Variants in CTCF observed in about 807,000 individuals in gnomAD.
The protein encoded by CTCF is CCCTC-binding factor, also known as transcriptional repressor CTCF.
CTCF carries 7 observed loss-of-function variants against 72.3 expected under a neutral mutation model. That is an observed-to-expected ratio of 0.10 (90% confidence interval 0.06 to 0.18). The LOEUF (loss-of-function observed/expected upper bound fraction) is 0.18, where lower values mean the gene tolerates loss of function less well. CTCF is among the 10% of genes least tolerant of loss of function. The pLI, the probability that CTCF is intolerant of heterozygous loss-of-function variation, is 1.00. For missense variants in CTCF, 516 were observed against 949.1 expected (o/e 0.54, Z 6.00); for synonymous variants, 374 against 315.8 (o/e 1.18, Z -1.95).
rs181093357 is a variant in CTCF at position 67,579,409 on chromosome 16, A to G, written c.-10+8145A>G. Reference sequence around the variant, plus strand: ...CTTGCTGCTCTGTCACCTAGGCTGGAGTGCAGTGCCGTGATCTCGGCTCAC... The same window carrying G: ...CTTGCTGCTCTGTCACCTAGGCTGGGGTGCAGTGCCGTGATCTCGGCTCAC... On this transcript the variant is annotated intron_variant, in intron 2 of 11. Transcript: ENST00000264010. Among the ~76,000 whole-genome samples, 80 of 150,924 alleles carry G rather than the reference A, an allele frequency of 5.3e-4. No homozygotes were observed. In the East Asian group the frequency reaches 0.013, roughly 25 times the overall value.
chr16:67,615,135 C>T (rs1276708305), intron 4 of CTCF: 1 of 152,102 alleles, frequency 6.6e-6, no homozygotes. Flanking sequence ...GAGCAAGAGA[C>T]TCCGTCTCAA....
intron 2 of CTCF, chr16:67,572,473 A>AT (rs2051436230): frequency 6.6e-6 from 1 of 152,232 alleles, no homozygotes; most frequent in Admixed American, 6.6e-5. Context: ...TGGGATATGA[A>AT]TACCCTTAGG....
chr16:67,576,560 T>TC (rs1444287802), intron 2 of CTCF, among the ~76,000 whole-genome samples: 1 of 148,216 alleles, frequency 6.7e-6, no homozygotes, highest in Non-Finnish European at 1.5e-5. Context: ...GTTTTTTTTT[T>TC]TTTTTTTTTT....
chr16:67,619,958 G>T (rs1677600235), intron 5 of CTCF, among the ~76,000 whole-genome samples: 1 of 152,074 alleles, frequency 6.6e-6, no homozygotes, highest in African/African-American at 2.4e-5. Context: ...ACTAAAGGAT[G>T]GATAATGGTG....
chr16:67,602,223 A>AT (rs916590101), intron 2 of CTCF, among the ~76,000 whole-genome samples: 4 of 152,054 alleles, frequency 2.6e-5, no homozygotes, highest in African/African-American at 7.2e-5. Flanking sequence ...ACCAGATAGA[A>AT]TTTTTTTCCG....
At chr16:67,616,114 G>C (rs1218254608) in intron 4 of CTCF, 2 of 152,278 alleles carry the variant, frequency 1.3e-5, no homozygotes, top group African/African-American at 4.8e-5. Context: ...TTGACATTCA[G>C]AATGATCACA....
At position 67,587,531 on chromosome 16, in the gene CTCF, T is replaced by C. The variant is rs1372981020; in HGVS notation, c.-10+16267T>C. Among the ~76,000 whole-genome samples, 5 of 132,582 alleles carry C rather than the reference T, an allele frequency of 3.8e-5. No homozygotes were observed. The South Asian group carries it at 1.1e-3, about 30-fold the overall frequency. 87.0% of individuals were successfully genotyped at this position (132,582 alleles called of 152,430 possible). A position where few individuals can be genotyped will look rare whatever the true frequency, so the allele number is the denominator to read the frequency against. Reference sequence around the variant, plus strand: ...ATCATGTGTGCCCATTTCTGCAGGGTTTTTTTTTTTTCTTTTTCCCTTCTT... The same window carrying C: ...ATCATGTGTGCCCATTTCTGCAGGGCTTTTTTTTTTTCTTTTTCCCTTCTT... On this transcript the variant is annotated intron_variant, in intron 2 of 11. Coordinates refer to ENST00000264010, the MANE Select transcript of CTCF (RefSeq NM_006565.4).
chr16:67,585,976 C>T (rs2142753649), intron 2 of CTCF, among the ~76,000 whole-genome samples: 1 of 152,276 alleles, frequency 6.6e-6, no homozygotes, highest in East Asian at 1.9e-4. Context: ...CCCTGCCCTC[C>T]ACCCTACCCC....
rs376235806 is a variant in CTCF, at chr16:67,637,842, C to T, written c.2154C>T (p.Pro718=). ...ATGCCCCCAACGGAGACCTCACGCC[C>T]GAGATGATCCTCAGCATGATGGACC... ...ATDAPNGDLT[P]EMILSMMDR The change falls in exon 12 of 12, where the codon CCC becomes CCT. Residue 718 remains proline, a synonymous_variant. Transcript: ENST00000264010. The T allele has an allele frequency of 3.7e-5, 60 of 1,612,190 alleles. No homozygotes were observed. The highest frequency in any genetic ancestry group is 2.9e-4 in the South Asian group (26 of 90,974).
chr16:67,606,800 C>T (rs1424433197), intron 2 of CTCF, among the ~76,000 whole-genome samples: 4 of 145,722 alleles, frequency 2.7e-5, no homozygotes, highest in African/African-American at 7.7e-5. Flanking sequence ...ACTCTTATCG[C>T]CCAGGCTCCA....
intron 2 of CTCF, among the ~76,000 whole-genome samples, chr16:67,581,221 C>T (rs1223673897): frequency 6.6e-6 from 1 of 152,198 alleles, no homozygotes; most frequent in African/African-American, 2.4e-5. Flanking sequence ...AGCCACTGCA[C>T]CTGGCCCGGC....
chr16:67,574,633 C>T (rs571970030), intron 2 of CTCF, among the ~76,000 whole-genome samples: 9 of 149,730 alleles, frequency 6.0e-5, no homozygotes, highest in South Asian at 2.1e-4. Flanking sequence ...TGAACCACCA[C>T]GCCCAGCCAA....
At chr16:67,620,285 C>T (rs1158328697) in intron 5 of CTCF, among the ~76,000 whole-genome samples, 2 of 152,086 alleles carry the variant, frequency 1.3e-5, no homozygotes, top group Non-Finnish European at 2.9e-5. Flanking sequence ...ACTGCAGCCT[C>T]CACCTCCTGG....
At chr16:67,578,460 G>A (rs1171927926) in intron 2 of CTCF, among the ~76,000 whole-genome samples, 1 of 149,620 alleles carries the variant, frequency 6.7e-6, no homozygotes, top group Non-Finnish European at 1.5e-5. Context: ...AGCCTCCCAA[G>A]TAGCTGAGAT....
chr16:67,570,235 C>T (rs1007837382), intron 1 of CTCF, among the ~76,000 whole-genome samples: 1 of 151,936 alleles, frequency 6.6e-6, no homozygotes, highest in African/African-American at 2.4e-5. Context: ...CGCCACCACA[C>T]CCGGCTAATT....
intron 10 of CTCF, among the ~76,000 whole-genome samples, chr16:67,630,073 G>GC (rs1291979860): frequency 6.6e-6 from 1 of 151,790 alleles, no homozygotes. Context: ...ACTGCGCCCG[G>GC]CCATTATTAA....
intron 2 of CTCF, among the ~76,000 whole-genome samples, chr16:67,601,704 C>T (rs2051894299): frequency 6.6e-6 from 1 of 152,062 alleles, no homozygotes; most frequent in Admixed American, 6.6e-5. Context: ...GTTTTGTGGA[C>T]TTTATGCCAT....
chr16:67,604,842 T>C (rs1243747215), intron 2 of CTCF, among the ~76,000 whole-genome samples: 1 of 151,166 alleles, frequency 6.6e-6, no homozygotes, highest in Non-Finnish European at 1.5e-5. Context: ...ATATTTCTAT[T>C]GAACAGTGCC....
intron 2 of CTCF, among the ~76,000 whole-genome samples, chr16:67,583,197 G>C (rs1309997073): frequency 6.6e-6 from 1 of 151,648 alleles, no homozygotes; most frequent in African/African-American, 2.4e-5. Flanking sequence ...TGTTGGCCAT[G>C]CTGGTCTCTT....
Sources: gnomAD v4.1 joint callset for allele counts (sites outside exome capture counted in the v4.1 genomes callset) on GRCh38, gnomAD v4.1.1 for gene constraint, MANE v1.5 for transcripts, NCBI Gene and HGNC (gene_info 2026-07-23, HGNC 2026-07-21) for gene names.